Variants in ZNF292 observed in about 807,000 individuals in gnomAD.
ZNF292 encodes 16 zinc-finger domain protein.
ZNF292 carries 26 observed loss-of-function variants against 217.9 expected under a neutral mutation model. That is an observed-to-expected ratio of 0.12 (90% CI 0.09 to 0.17). ZNF292 has a LOEUF of 0.17. Ranked by LOEUF, ZNF292 falls within the 10% of genes least tolerant of loss-of-function variation. The pLI, the probability that ZNF292 is intolerant of heterozygous loss-of-function variation, is 1.00. For synonymous variants in ZNF292, 1,257 were observed against 1,124.1 expected (o/e 1.12, Z -2.37); for missense variants, 2,904 against 3,175.2 (o/e 0.91, Z 2.05).
At chr6:87,181,228 GGATGAGTGCAA>G (rs898868158) in intron 1 of ZNF292, among the ~76,000 whole-genome samples, 3 of 152,128 alleles carry the variant, frequency 2.0e-5, no homozygotes, top group African/African-American at 7.2e-5. Context: ...CAGGCTCGAA[GGATGAGTGCAA>G]GATTTTACTG....
At position 87,263,546 on chromosome 6, in the gene ZNF292, G is replaced by A. The variant is rs1223699737; in HGVS notation, c.*1745G>A. 2 of 151,320 alleles carry A rather than the reference G, an allele frequency of 1.3e-5. No homozygotes were observed. Among genetic ancestry groups the A allele is most frequent in the African/African-American group, 4.9e-5 (2 of 41,220 alleles). The allele number at this position is 151,320 out of a possible 1,614,324, so 9.4% of individuals were successfully genotyped here. On this transcript the variant is annotated 3_prime_UTR_variant, in exon 8 of 8. Transcript: ENST00000369577. Reference sequence around the variant, plus strand: ...ATTATTAAAGTATTTTATTTTTAGGGCCTTTTGGGTTTTATTGAATAGTTC... The same window carrying A: ...ATTATTAAAGTATTTTATTTTTAGGACCTTTTGGGTTTTATTGAATAGTTC...
At chr6:87,185,573 G>T (rs1298195664) in intron 1 of ZNF292, among the ~76,000 whole-genome samples, 2 of 152,066 alleles carry the variant, frequency 1.3e-5, no homozygotes, top group Admixed American at 6.6e-5. Context: ...CTGCCTCCCG[G>T]GCTCAAGTGA....
intron 1 of ZNF292, among the ~76,000 whole-genome samples, chr6:87,201,612 C>T (rs1772101211): frequency 6.6e-6 from 1 of 152,166 alleles, no homozygotes; most frequent in African/African-American, 2.4e-5. Context: ...CCATGTTGGT[C>T]AGGCTGGTCT....
chr6:87,230,228 G>C (rs1361950902), intron 4 of ZNF292, among the ~76,000 whole-genome samples: 1 of 151,732 alleles, frequency 6.6e-6, no homozygotes, highest in Non-Finnish European at 1.5e-5. Context: ...GCTAGTCAAA[G>C]ATGCTGCAAA....
At chr6:87,155,803 G>C in intron 1 of ZNF292, 44 bp downstream of exon 1, 1 of 1,520,446 alleles carries the variant, frequency 6.6e-7, no homozygotes, top group Non-Finnish European at 8.8e-7. Flanking sequence ...CCAGCTAGAG[G>C]GGGAAGAGGG....
At chr6:87,230,292 C>G (rs1773582727) in intron 4 of ZNF292, among the ~76,000 whole-genome samples, 1 of 152,074 alleles carries the variant, frequency 6.6e-6, no homozygotes, top group African/African-American at 2.4e-5. Flanking sequence ...TGAGTTGACC[C>G]CACTTTAGGG....
chr6:87,186,444 G>T (rs1224958823), intron 1 of ZNF292, among the ~76,000 whole-genome samples: 1 of 152,156 alleles, frequency 6.6e-6, no homozygotes, highest in Non-Finnish European at 1.5e-5. Context: ...TCATATTTCT[G>T]TGAGTACACT....
At position 87,261,485 on chromosome 6, in the gene ZNF292, A is replaced by T. The variant is rs1286407101; in HGVS notation, c.7856A>T (p.Asn2619Ile). 1 of 1,604,630 alleles carries T rather than the reference A, an allele frequency of 6.2e-7. No individual in the cohort carries two copies. Among genetic ancestry groups the T allele is most frequent in the Non-Finnish European group, 8.5e-7 (1 of 1,174,962 alleles). Residue 2619 changes from asparagine (N) to isoleucine (I), a missense_variant, in exon 8 of 8, where the codon AAC becomes ATC. By Grantham distance (149) the Asn-to-Ile change is moderately radical. Transcript: ENST00000369577. The stretch of plus-strand genomic sequence containing the variant: ...GACAAAGACCATCCGAATACTGGAA[A>T]CAAAAAAGGATCCCATTCAAATTCA... ...NTDKDHPNTG[N>I]KKGSHSNSRK...
intron 7 of ZNF292, among the ~76,000 whole-genome samples, chr6:87,246,229 TCAAACAAA>T (rs996279185): frequency 6.6e-6 from 1 of 152,092 alleles, no homozygotes; most frequent in Non-Finnish European, 1.5e-5. Context: ...AGACTCCATC[TCAAACAAA>T]CAAACAAACG....
chr6:87,158,500 C>G (rs1190112158), intron 1 of ZNF292, among the ~76,000 whole-genome samples: 1 of 151,958 alleles, frequency 6.6e-6, no homozygotes, highest in African/African-American at 2.4e-5. Context: ...ACAAAAAATA[C>G]AAAAAACAAA....
At chr6:87,214,806 T>C (rs183181329) in intron 1 of ZNF292, among the ~76,000 whole-genome samples, 42 of 152,320 alleles carry the variant, frequency 2.8e-4, no homozygotes, top group Admixed American at 1.2e-3. Context: ...ACTTTTTCTA[T>C]TGCTTTCGTC....
chr6:87,264,249 A>G lies in ZNF292; in HGVS notation c.*2448A>G, dbSNP rs1775743149. 1.3e-5 allele frequency: 2 copies of G among 152,218 alleles called. No homozygotes were observed. The highest frequency in any genetic ancestry group is 2.9e-5 in the Non-Finnish European group (2 of 68,034). 9.4% of individuals were successfully genotyped at this position (152,218 alleles called of 1,614,324 possible). ...ATATCTTCTACAGCCTAAATTTGCT[A>G]AAGTTTCATCACTAAAAAGTAGGAG... On this transcript the variant is annotated 3_prime_UTR_variant, in exon 8 of 8. Transcript: ENST00000369577.
intron 5 of ZNF292, among the ~76,000 whole-genome samples, chr6:87,240,344 AAG>A (rs1180529837): frequency 7.1e-6 from 1 of 141,746 alleles, no homozygotes; most frequent in Admixed American, 6.9e-5. Context: ...AGACCGTGGA[AAG>A]AGAGGGAGAG....
intron 1 of ZNF292, among the ~76,000 whole-genome samples, chr6:87,214,157 A>G (rs1223336447): frequency 6.6e-6 from 1 of 152,208 alleles, no homozygotes; most frequent in East Asian, 1.9e-4. Context: ...ATCGAAGCTG[A>G]ATAATCTTGG....
chr6:87,259,835 C>T lies in ZNF292; in HGVS notation c.6206C>T (p.Thr2069Ile), dbSNP rs1481445789. 5 of 1,612,480 alleles carry T rather than the reference C, an allele frequency of 3.1e-6. No homozygotes were observed. The highest frequency in any genetic ancestry group is 4.2e-6 in the Non-Finnish European group (5 of 1,179,270). Residue 2069 changes from threonine to isoleucine, a missense_variant, in exon 8 of 8, where the codon ACA (threonine) becomes ATA (isoleucine). Coordinates refer to ENST00000369577, the MANE Select transcript of ZNF292 (RefSeq NM_015021.3). ...ACAGTTACTTCAGAACAATGTAATACAAATGCACTCACAAACACACAAACC... is the reference window on the plus strand; with the variant it reads ...ACAGTTACTTCAGAACAATGTAATATAAATGCACTCACAAACACACAAACC... The part of the protein sequence containing the change: ...VITVTSEQCN[T>I]NALTNTQTKG...
At position 87,173,772 on chromosome 6, in the gene ZNF292, A is replaced by G. The variant is rs899672142; in HGVS notation, c.168+18013A>G. On this transcript the variant is annotated intron_variant, in intron 1 of 7. Coordinates refer to ENST00000369577, the MANE Select transcript of ZNF292 (RefSeq NM_015021.3). ...AGTGATTGTTTTCCCTAAATGCAGA[A>G]TATTTCAGTAGCATCTTAATCTAGA... 3 of 154,066 alleles carry G rather than the reference A, an allele frequency of 1.9e-5. No homozygotes were observed. In the Admixed American group the frequency reaches 2.0e-4, roughly 10 times the overall value. The allele number at this position is 154,066 out of a possible 1,614,324, so 9.5% of individuals were successfully genotyped here.
At chr6:87,173,551 A>G (rs928607267) in intron 1 of ZNF292, 1 of 155,082 alleles carries the variant, frequency 6.4e-6, no homozygotes, top group African/African-American at 2.4e-5. Context: ...CCCAGAGGCT[A>G]TTCACATTAG....
intron 7 of ZNF292, among the ~76,000 whole-genome samples, chr6:87,253,813 GA>G (rs1775058989): frequency 6.6e-6 from 1 of 152,104 alleles, no homozygotes; most frequent in South Asian, 2.1e-4. Flanking sequence ...TTATTCCAGT[GA>G]ATGTGGCCAC....
rs530466497 is a variant in ZNF292, at chr6:87,238,693, T to A, written c.742-4782T>A. ...CTTTTTGGTTTTGATTTATATATTT[T>A]TTTTTTAATTGATCATTCTTGGGTG... On this transcript the variant is annotated intron_variant, in intron 5 of 7. Coordinates refer to ENST00000369577, the MANE Select transcript of ZNF292 (RefSeq NM_015021.3). Among the ~76,000 whole-genome samples the A allele has an allele frequency of 4.7e-4, 71 of 151,692 alleles. 1 individual carries two copies. Among genetic ancestry groups the A allele is most frequent in the Admixed American group, 2.0e-3 (30 of 15,266 alleles).
Sources: allele counts gnomAD v4.1 joint callset (sites outside exome capture counted in the v4.1 genomes callset), GRCh38; gene constraint gnomAD v4.1.1; transcripts MANE v1.5; gene names NCBI Gene and HGNC (gene_info 2026-07-23, HGNC 2026-07-21).